NRG4: variants seen among roughly 807,000 people sequenced by gnomAD.
The protein encoded by NRG4 is neuregulin 4.
Under a neutral mutation model 15.0 loss-of-function variants are expected in NRG4, and 10 were observed. The ratio of observed to expected loss-of-function variants is 0.67; its 90% confidence interval spans 0.41 to 1.13. The LOEUF (loss-of-function observed/expected upper bound fraction) is 1.13, where lower values mean the gene tolerates loss of function less well. NRG4 is among the 50% of genes most tolerant of loss of function. The probability of loss-of-function intolerance (pLI) is 0.00; values close to 1 mark genes in which losing one functional copy is unlikely to be tolerated. For synonymous variants in NRG4, 41 were observed against 50.1 expected, an observed-to-expected ratio of 0.82 and a Z score of 0.77; for missense variants, 139 against 140.2, an observed-to-expected ratio of 0.99 and a Z score of 0.04.
intron 5 of NRG4, among the ~76,000 whole-genome samples, chr15:76,021,309 A>G (rs1398597598): frequency 1.3e-5 from 2 of 152,246 alleles, no homozygotes; most frequent in African/African-American, 4.8e-5. Flanking sequence ...CTGAGGGCTC[A>G]GATGTTTGTC....
At chr15:75,995,979 A>T (rs756205413) in intron 3 of NRG4, among the ~76,000 whole-genome samples, 8 of 152,226 alleles carry the variant, frequency 5.3e-5, no homozygotes, top group Non-Finnish European at 8.8e-5. Flanking sequence ...GTAGACTTTC[A>T]TATTATATAA....
At chr15:76,012,087 A>G (rs1177519159) in intron 1 of NRG4, 1 of 152,106 alleles carries the variant, frequency 6.6e-6, no homozygotes, top group Non-Finnish European at 1.5e-5. Context: ...AGACTCTAAC[A>G]GAAATCTCAA....
intron 3 of NRG4, among the ~76,000 whole-genome samples, chr15:75,992,124 C>T (rs1248517594): frequency 6.6e-6 from 1 of 152,132 alleles, no homozygotes; most frequent in Admixed American, 6.5e-5. Context: ...AGACATTTTA[C>T]AACTATATTG....
At chr15:76,051,369 A>G (rs2036010759) in intron 4 of NRG4, among the ~76,000 whole-genome samples, 1 of 149,806 alleles carries the variant, frequency 6.7e-6, no homozygotes, top group South Asian at 2.1e-4. Flanking sequence ...TGGAACACCT[A>G]TGCTCAAGCG....
At chr15:75,985,563 C>T (rs1421104085) in intron 3 of NRG4, among the ~76,000 whole-genome samples, 1 of 152,182 alleles carries the variant, frequency 6.6e-6, no homozygotes, top group Non-Finnish European at 1.5e-5. Flanking sequence ...AATGCTTATA[C>T]AGTTCAGGCA....
At chr15:75,963,921 TGAC>T (rs992090684) in intron 3 of NRG4, among the ~76,000 whole-genome samples, 3 of 151,936 alleles carry the variant, frequency 2.0e-5, no homozygotes, top group African/African-American at 7.3e-5. Flanking sequence ...CCAGCCTAGG[TGAC>T]AGAGCAAGAC....
intron 4 of NRG4, among the ~76,000 whole-genome samples, chr15:75,961,541 C>G (rs949381176): frequency 6.6e-6 from 1 of 152,102 alleles, no homozygotes; most frequent in African/African-American, 2.4e-5. Context: ...ATACACCTAA[C>G]CCAAATATTC....
chr15:75,994,967 C>T (rs2034156333), intron 3 of NRG4, among the ~76,000 whole-genome samples: 1 of 151,956 alleles, frequency 6.6e-6, no homozygotes, highest in African/African-American at 2.4e-5. Flanking sequence ...TGAGCCCAGT[C>T]TTGACAACAT....
intron 3 of NRG4, among the ~76,000 whole-genome samples, chr15:75,999,128 C>T (rs980221556): frequency 6.6e-6 from 1 of 152,192 alleles, no homozygotes; most frequent in African/African-American, 2.4e-5. Flanking sequence ...CATCTCAAAT[C>T]AGCAGGGGAA....
chr15:76,019,411 T>C (rs1367756496), intron 5 of NRG4, among the ~76,000 whole-genome samples: 1 of 152,152 alleles, frequency 6.6e-6, no homozygotes, highest in Non-Finnish European at 1.5e-5. Flanking sequence ...GCTCGGTGTC[T>C]GCCCAAACAG....
rs1179896474 is a variant in NRG4 at position 75,961,902 on chromosome 15, AC to A, written c.176del (p.Ser59IlefsTer13). 7 of 1,613,538 alleles carry A rather than the reference AC, an allele frequency of 4.3e-6. No individual in the cohort carries two copies. The highest frequency in any genetic ancestry group is 5.9e-6 in the Non-Finnish European group (7 of 1,179,464). On this transcript the variant is annotated frameshift_variant, in exon 4 of 6. Coordinates refer to ENST00000394907, the MANE Select transcript of NRG4 (RefSeq NM_138573.4). LOFTEE classifies it high-confidence loss of function. ...ATGCCACAAAAGCTTCAAACAGGTT[AC>A]TTTTAGTTTGGATGCTGGAGCCTGG... is the stretch of plus-strand genomic sequence containing the variant. ...FLPGSSIQTKSNLFEAFVALA... is the reference protein window; with the variant it reads ...FLPGSSIQTKXNLFEAFVALA...
intron 3 of NRG4, among the ~76,000 whole-genome samples, chr15:75,978,530 T>C (rs1004965162): frequency 1.3e-5 from 2 of 152,172 alleles, no homozygotes; most frequent in African/African-American, 2.4e-5. Flanking sequence ...ATCCCTTTAA[T>C]ATACCTTTTA....
intron 3 of NRG4, among the ~76,000 whole-genome samples, chr15:75,973,756 G>T (rs1376651219): frequency 2.0e-5 from 3 of 152,146 alleles, no homozygotes; most frequent in Admixed American, 1.3e-4. Flanking sequence ...ATGTGCTGCT[G>T]GATTCAGTTT....
intron 3 of NRG4, chr15:75,971,278 C>G (rs1415290075): frequency 2.2e-6 from 1 of 455,468 alleles, no homozygotes; most frequent in Non-Finnish European, 4.4e-6. Flanking sequence ...TTTGGTTTTA[C>G]AGTTTGACCA....
At chr15:76,028,001 C>A (rs2035360853) in intron 5 of NRG4, among the ~76,000 whole-genome samples, 1 of 151,834 alleles carries the variant, frequency 6.6e-6, no homozygotes, top group South Asian at 2.1e-4. Context: ...CATACTAAAA[C>A]CTATGGGACA....
intron 5 of NRG4, among the ~76,000 whole-genome samples, chr15:75,944,543 G>A (rs2031340172): frequency 6.6e-6 from 1 of 152,166 alleles, no homozygotes; most frequent in Non-Finnish European, 1.5e-5. Context: ...ACCTATCGAT[G>A]AAGTAAGGCT....
chr15:76,024,920 G>A (rs1473499288), intron 5 of NRG4, among the ~76,000 whole-genome samples: 3 of 151,896 alleles, frequency 2.0e-5, no homozygotes, highest in Middle Eastern at 3.2e-3. Flanking sequence ...AATTGGAGGG[G>A]GCAATTGTTC....
chr15:76,035,189 T>A (rs2035571708), intron 5 of NRG4, among the ~76,000 whole-genome samples: 1 of 152,196 alleles, frequency 6.6e-6, no homozygotes, highest in African/African-American at 2.4e-5. Context: ...GTGAGAATAT[T>A]TTAGCCTCAT....
chr15:75,948,568 G>A (rs1047860457), intron 5 of NRG4, among the ~76,000 whole-genome samples: 2 of 129,322 alleles, frequency 1.5e-5, no homozygotes, highest in East Asian at 4.9e-4. Context: ...CAAAGTGCTG[G>A]GATTACAGGC....
Sources: gnomAD v4.1 joint callset for allele counts (sites outside exome capture counted in the v4.1 genomes callset) on GRCh38, gnomAD v4.1.1 for gene constraint, MANE v1.5 for transcripts, NCBI Gene and HGNC (gene_info 2026-07-23, HGNC 2026-07-21) for gene names.